Variants in RNF157 observed in about 807,000 individuals in gnomAD.
The protein encoded by RNF157 is E3 ubiquitin ligase RNF157.
RNF157 carries 55 observed loss-of-function variants against 88.3 expected under a neutral mutation model. The ratio of observed to expected loss-of-function variants is 0.62; its 90% CI spans 0.50 to 0.78. The LOEUF is 0.78. RNF157 is among the 30% of genes least tolerant of loss of function. The pLI is 0.00. For synonymous variants in RNF157, 334 were observed against 341.2 expected (o/e 0.98, Z 0.23); for missense variants, 788 against 860.8 (o/e 0.92, Z 1.06).
rs758580631 is a variant in RNF157, at chr17:76,145,286, G to A, written c.1989C>T (p.Ser663=). Residue 663 remains serine, a synonymous_variant, in exon 19 of 19, where the codon AGC becomes AGT. Transcript: ENST00000269391. ...AGGGCCTCGTCTCAGAGTCCTCCAG[G>A]CTGCTGGATGACAAGCGCCGGCGCT... is the stretch of plus-strand genomic sequence containing the variant. The part of the protein sequence containing the change: ...NAQRRRLSSS[S]LEDSETRPCV... 6 of 1,610,144 alleles carry A rather than the reference G, an allele frequency of 3.7e-6. No individual in the cohort carries two copies. The African/African-American group carries it at 4.0e-5, about 11-fold the overall frequency.
intron 2 of RNF157, among the ~76,000 whole-genome samples, chr17:76,189,279 G>A (rs1344062064): frequency 6.6e-6 from 1 of 152,210 alleles, no homozygotes; most frequent in Non-Finnish European, 1.5e-5. Context: ...CTGGATAAAG[G>A]CTATATGGCA....
intron 2 of RNF157, among the ~76,000 whole-genome samples, chr17:76,206,576 G>A (rs991478018): frequency 6.6e-6 from 1 of 152,184 alleles, no homozygotes; most frequent in Non-Finnish European, 1.5e-5. Flanking sequence ...GAGGTGGGTG[G>A]ATTGCCTGAG....
chr17:76,167,706 C>G lies in RNF157; in HGVS notation c.388G>C (p.Val130Leu), dbSNP rs773342205. 1 of 1,614,070 alleles carries G rather than the reference C, an allele frequency of 6.2e-7. No individual in the cohort carries two copies. Among genetic ancestry groups the G allele is most frequent in the Non-Finnish European group, 8.5e-7 (1 of 1,180,056 alleles). Residue 130 changes from valine (V) to leucine (L), a missense_variant, in exon 4 of 19, where the codon GTA becomes CTA. Coordinates refer to ENST00000269391, the MANE Select transcript of RNF157 (RefSeq NM_052916.3). Reference sequence around the variant, plus strand: ...GCCTGGTAATAGATGGTGATGGCTACCCGAGCATCTGTGTCAAAGGTGAAC... The same window carrying G: ...GCCTGGTAATAGATGGTGATGGCTAGCCGAGCATCTGTGTCAAAGGTGAAC... ...VEFTFDTDAR[V>L]AITIYYQATE...
chr17:76,173,192 A>T (rs931785078), intron 3 of RNF157, among the ~76,000 whole-genome samples: 2 of 152,048 alleles, frequency 1.3e-5, no homozygotes, highest in Admixed American at 1.3e-4. Context: ...AGGCTGAGGC[A>T]GGAGAATGGC....
chr17:76,182,183 T>A (rs1328086808), intron 2 of RNF157, among the ~76,000 whole-genome samples: 2 of 152,040 alleles, frequency 1.3e-5, no homozygotes, highest in Admixed American at 1.3e-4. Context: ...ATCCCAAACA[T>A]CTCAAACCCA....
intron 2 of RNF157, among the ~76,000 whole-genome samples, chr17:76,181,743 A>G (rs1254659716): frequency 2.0e-5 from 3 of 151,230 alleles, no homozygotes. Context: ...CCTCATCTCT[A>G]CTAAAAATAC....
chr17:76,216,612 C>A (rs961370997), intron 1 of RNF157, among the ~76,000 whole-genome samples: 2 of 150,664 alleles, frequency 1.3e-5, no homozygotes, highest in Non-Finnish European at 2.9e-5. Flanking sequence ...AATAATAATA[C>A]TATGGTATAT....
intron 1 of RNF157, among the ~76,000 whole-genome samples, chr17:76,235,880 G>A (rs1350901128): frequency 6.6e-6 from 1 of 152,164 alleles, no homozygotes; most frequent in African/African-American, 2.4e-5. Context: ...ATGGTGGTAT[G>A]TGCCTGTAAT....
At chr17:76,159,285 C>A (rs1291942453) in intron 12 of RNF157, 50 bp downstream of exon 12, 4 of 1,473,642 alleles carry the variant, frequency 2.7e-6, no homozygotes, top group African/African-American at 1.4e-5. Flanking sequence ...AGGGATGAAG[C>A]ATTTCATCAA....
chr17:76,162,471 G>T, intron 9 of RNF157, 81 bp downstream of exon 9: 1 of 1,007,656 alleles, frequency 9.9e-7, no homozygotes, highest in Non-Finnish European at 1.6e-6. Flanking sequence ...AGTTTGGCAC[G>T]CTAAATTTCT....
chr17:76,177,197 G>A (rs1280236489), intron 2 of RNF157, among the ~76,000 whole-genome samples: 2 of 152,170 alleles, frequency 1.3e-5, no homozygotes, highest in African/African-American at 4.8e-5. Context: ...GGGTGCTGCA[G>A]GGGCTGCATG....
At position 76,161,468 on chromosome 17, in the gene RNF157, A is replaced by G. The variant is rs746609797; in HGVS notation, c.1065+67T>C. On this transcript the variant is annotated intron_variant, in intron 11 of 18. Coordinates refer to ENST00000269391, the MANE Select transcript of RNF157 (RefSeq NM_052916.3). The surrounding 1 kb of genome is among the most constrained non-coding windows in gnomAD (Gnocchi z 4.6). ...TTGCTGCAATGCCACGTAGAGAAGC[A>G]TGAAAAGTTTAAAAAAGCCAATGAG... The G allele has an allele frequency of 1.7e-6, 2 of 1,187,546 alleles. No homozygotes were observed. The highest frequency in any genetic ancestry group is 3.4e-5 in the Admixed American group (2 of 59,202). 73.6% of individuals were successfully genotyped at this position (1,187,546 alleles called of 1,614,324 possible). A position where few individuals can be genotyped will look rare whatever the true frequency, so the allele number is the denominator to read the frequency against.
chr17:76,233,920 A>T (rs2070237473), intron 1 of RNF157, among the ~76,000 whole-genome samples: 1 of 152,224 alleles, frequency 6.6e-6, no homozygotes, highest in African/African-American at 2.4e-5. Flanking sequence ...TTTTTAGTAT[A>T]TTGACCGTGT....
rs183031822 is a variant in RNF157 at position 76,182,033 on chromosome 17, T to C, written c.208-8243A>G. Among the ~76,000 whole-genome samples the C allele has an allele frequency of 1.9e-3, 283 of 151,406 alleles. 3 individuals carry two copies. Among genetic ancestry groups the C allele is most frequent in the Non-Finnish European group, 6.9e-4 (47 of 67,888 alleles). ...TAGGCCTGAGGGACACAGTGAAGAG[T>C]CAAGCAAACCTCTCTTAGTTCCATC... On this transcript the variant is annotated intron_variant, in intron 2 of 18. Transcript: ENST00000269391.
rs922194391 is a variant in RNF157, at chr17:76,142,892, C to T, written c.*2343G>A. 2 of 152,462 alleles carry T rather than the reference C, an allele frequency of 1.3e-5. No individual in the cohort carries two copies. The highest frequency in any genetic ancestry group is 4.1e-4 in the South Asian group (2 of 4,826). The allele number at this position is 152,462 out of a possible 1,614,324, so 9.4% of individuals were successfully genotyped here. A position where few individuals can be genotyped will look rare whatever the true frequency, so the allele number is the denominator to read the frequency against. ...ACAGGCCTAGTGCAGCAGGAAGGAG[C>T]CCTGGGTCTCCATAGTTAGGCTGTG... On this transcript the variant is annotated 3_prime_UTR_variant, in exon 19 of 19. Transcript: ENST00000269391.
chr17:76,200,817 T>C lies in RNF157; in HGVS notation c.207+11547A>G, dbSNP rs376400360. ...GTTGCTGAAAAGCAGGCCACTTCCA[T>C]ACTGAATCTCATACCATTTCGAATC... On this transcript the variant is annotated intron_variant, in intron 2 of 18. Coordinates refer to ENST00000269391, the MANE Select transcript of RNF157 (RefSeq NM_052916.3). 1.1e-4 allele frequency among the ~76,000 whole-genome samples: 17 copies of C among 152,330 alleles called. No individual in the cohort carries two copies. The East Asian group carries it at 3.3e-3, about 29-fold the overall frequency.
At chr17:76,199,484 G>A (rs1466621798) in intron 2 of RNF157, among the ~76,000 whole-genome samples, 1 of 151,076 alleles carries the variant, frequency 6.6e-6, no homozygotes, top group South Asian at 2.1e-4. Context: ...GAACTCCTGG[G>A]CTCAAGTGAT....
intron 6 of RNF157, 26 bp from the exon 7 acceptor site, chr17:76,165,571 G>A (rs2068910011): frequency 6.2e-7 from 1 of 1,613,840 alleles, no homozygotes; most frequent in Non-Finnish European, 8.5e-7. Flanking sequence ...GCACGTGAGT[G>A]AAGAAGCCCA....
rs2068544413 is a variant in RNF157 at position 76,143,601 on chromosome 17, G to C, written c.*1634C>G. ...AAAGTCTACTGCAGTTTTTCAGAGAGGGTTGGACGACAGGCCCCCCTCTCC... is the reference window on the plus strand; with the variant it reads ...AAAGTCTACTGCAGTTTTTCAGAGACGGTTGGACGACAGGCCCCCCTCTCC... On this transcript the variant is annotated 3_prime_UTR_variant, in exon 19 of 19. Coordinates refer to ENST00000269391, the MANE Select transcript of RNF157 (RefSeq NM_052916.3). 6.6e-6 allele frequency: 1 copy of C among 152,194 alleles called. No homozygotes were observed. The highest frequency in any genetic ancestry group is 6.5e-5 in the Admixed American group (1 of 15,278). The allele number at this position is 152,194 out of a possible 1,614,324, so 9.4% of individuals were successfully genotyped here. A position where few individuals can be genotyped will look rare whatever the true frequency, so the allele number is the denominator to read the frequency against.
Sources: gnomAD v4.1 joint callset for allele counts (sites outside exome capture counted in the v4.1 genomes callset) on GRCh38, gnomAD v4.1.1 for gene constraint, Gnocchi (gnomAD v3.1) non-coding constraint, MANE v1.5 for transcripts, NCBI Gene and HGNC (gene_info 2026-07-23, HGNC 2026-07-21) for gene names.